Variants in USP6 observed in about 807,000 individuals in gnomAD.
USP6 encodes ubiquitin carboxyl-terminal hydrolase 6.
Under a neutral mutation model 175.7 loss-of-function variants are expected in USP6, and 128 were observed. The ratio of observed to expected loss-of-function variants is 0.73; its 90% CI spans 0.63 to 0.84. The LOEUF (loss-of-function observed/expected upper bound fraction) is 0.84, where lower values mean the gene tolerates loss of function less well. USP6 is among the 40% of genes least tolerant of loss of function. USP6 has a pLI of 0.00. For missense variants in USP6, 1,498 were observed against 1,760.3 expected (o/e 0.85, Z 2.67); for synonymous variants, 562 against 630.6 (o/e 0.89, Z 1.63).
chr17:5,131,663 G>T (rs1279693512), intron 11 of USP6, among the ~76,000 whole-genome samples: 3 of 150,640 alleles, frequency 2.0e-5, no homozygotes, highest in Admixed American at 2.0e-4. Flanking sequence ...GCCTCTCACG[G>T]TGAGGCCAGG....
intron 31 of USP6, among the ~76,000 whole-genome samples, chr17:5,160,380 C>T (rs1467789032): frequency 6.6e-6 from 1 of 152,170 alleles, no homozygotes; most frequent in African/African-American, 2.4e-5. Context: ...TGCATTGCTT[C>T]CTTCTCCCCC....
At chr17:5,140,509 G>C (rs1169338361) in intron 22 of USP6, among the ~76,000 whole-genome samples, 1 of 152,152 alleles carries the variant, frequency 6.6e-6, no homozygotes, top group African/African-American at 2.4e-5. Context: ...TGAGTTCCAA[G>C]AAGCAGTGAG....
At chr17:5,165,268 C>G (rs1216900671) in intron 33 of USP6, among the ~76,000 whole-genome samples, 1 of 152,140 alleles carries the variant, frequency 6.6e-6, no homozygotes, top group African/African-American at 2.4e-5. Flanking sequence ...TCCAAAATTT[C>G]CACATGAATA....
At chr17:5,159,048 T>C (rs1305191025) in intron 31 of USP6, among the ~76,000 whole-genome samples, 3 of 152,216 alleles carry the variant, frequency 2.0e-5, no homozygotes, top group Non-Finnish European at 4.4e-5. Context: ...TCTTGAGTGT[T>C]TATGTCAATA....
At position 5,141,503 on chromosome 17, in the gene USP6, A is replaced by G. The variant is rs1340072023; in HGVS notation, c.1573+4A>G. On this transcript the variant is annotated splice_donor_region_variant and intron_variant, in intron 23 of 37. Coordinates refer to ENST00000574788, the MANE Select transcript of USP6 (RefSeq NM_001304284.2). ...AGTAAAATAGATAGACAAAAGGGTA[A>G]GTCTCCAGTATTATTTTTTAAAGAG... 1.9e-6 allele frequency: 3 copies of G among 1,586,040 alleles called. No individual in the cohort carries two copies. The highest frequency in any genetic ancestry group is 2.6e-6 in the Non-Finnish European group (3 of 1,164,656).
intron 1 of USP6, among the ~76,000 whole-genome samples, chr17:5,117,223 A>G (rs1480863282): frequency 6.6e-6 from 1 of 152,200 alleles, no homozygotes; most frequent in Non-Finnish European, 1.5e-5. Flanking sequence ...AACACATATT[A>G]AAAGCTCGAT....
intron 35 of USP6, among the ~76,000 whole-genome samples, chr17:5,169,702 A>C (rs2144175454): frequency 6.6e-6 from 1 of 152,318 alleles, no homozygotes; most frequent in East Asian, 1.9e-4. Context: ...TCGGCCTCCT[A>C]AAGTGCTGGG....
chr17:5,141,609 G>A, intron 23 of USP6, 110 bp downstream of exon 23: 1 of 932,248 alleles, frequency 1.1e-6, no homozygotes, highest in Non-Finnish European at 1.5e-6. Flanking sequence ...AAAGTAATTA[G>A]GGCCCTTCTT....
Position 5,116,042 on chromosome 17 carries a change from C to A in USP6, c.-2626C>A, listed in dbSNP as rs2072527947. Among the ~76,000 whole-genome samples, 1 of 152,232 alleles carries A rather than the reference C, an allele frequency of 6.6e-6. No homozygotes were observed. The highest frequency in any genetic ancestry group is 2.4e-5 in the African/African-American group (1 of 41,466). ...GAGGCCAGGCAGAGGGGACAGCTAG[C>A]GGCGCGGCGGGACGGGCGGGCCCCG... On this transcript the variant is annotated 5_prime_UTR_variant, in exon 1 of 38. Coordinates refer to ENST00000574788, the MANE Select transcript of USP6 (RefSeq NM_001304284.2).
chr17:5,144,610 C>T, intron 25 of USP6, 80 bp from the exon 26 acceptor site: 1 of 1,471,334 alleles, frequency 6.8e-7, no homozygotes, highest in Non-Finnish European at 9.3e-7. Context: ...CTTACAATGG[C>T]TCTGATTGGA....
At chr17:5,170,392 G>C in intron 35 of USP6, 87 bp from the exon 36 acceptor site, 1 of 1,532,870 alleles carries the variant, frequency 6.5e-7, no homozygotes, top group Non-Finnish European at 8.8e-7. Context: ...GTGTACAGTT[G>C]CAAAGCTAAC....
At chr17:5,172,473 G>A (rs566786004) in intron 37 of USP6, among the ~76,000 whole-genome samples, 2 of 152,256 alleles carry the variant, frequency 1.3e-5, no homozygotes, top group Non-Finnish European at 2.9e-5. Context: ...AGAGGTTGCA[G>A]TGAGCTGAGA....
chr17:5,150,498 C>CTT (rs780429877), intron 30 of USP6, among the ~76,000 whole-genome samples: 3 of 137,318 alleles, frequency 2.2e-5, no homozygotes, highest in African/African-American at 8.0e-5. Flanking sequence ...AGAAATATAT[C>CTT]TTTTTTTTTT....
In USP6 at chr17:5,130,045, C is replaced by CTCT. The variant is rs2073011377; in HGVS notation, c.-43_-41dup. 3 of 367,346 alleles carry CTCT rather than the reference C, an allele frequency of 8.2e-6. No individual in the cohort carries two copies. The Admixed American group carries it at 1.1e-4, about 14-fold the overall frequency. The allele number at this position is 367,346 out of a possible 1,614,324, so 22.8% of individuals were successfully genotyped here. ...CATCCCTGGAATAGACCATCACAGGCTCTTCACCCTTGGCAGGTGGACACC... is the reference window on the plus strand; with the variant it reads ...CATCCCTGGAATAGACCATCACAGGCTCTTCTTCACCCTTGGCAGGTGGACACC... On this transcript the variant is annotated 5_prime_UTR_variant, in exon 9 of 38. Coordinates refer to ENST00000574788, the MANE Select transcript of USP6 (RefSeq NM_001304284.2).
chr17:5,128,068 G>A (rs1340146851), intron 7 of USP6, among the ~76,000 whole-genome samples: 1 of 152,170 alleles, frequency 6.6e-6, no homozygotes, highest in Admixed American at 6.5e-5. Flanking sequence ...CTGGGCATCT[G>A]GACGCCCTGT....
rs533237021 is a variant in USP6 at position 5,168,617 on chromosome 17, C to A, written c.3229-150C>A. 2.4e-3 allele frequency: 3,024 copies of A among 1,239,902 alleles called. 8 individuals are homozygous for A. The highest frequency in any genetic ancestry group is 3.2e-3 in the Non-Finnish European group (2,868 of 899,316). 76.8% of individuals were successfully genotyped at this position (1,239,902 alleles called of 1,614,324 possible). A position where few individuals can be genotyped will look rare whatever the true frequency, so the allele number is the denominator to read the frequency against. ...GGCCTGTGTAGAGGCCTTTATGAAACCATATTTTTGAAGTCTTTAAAAAAT... is the reference window on the plus strand; with the variant it reads ...GGCCTGTGTAGAGGCCTTTATGAAAACATATTTTTGAAGTCTTTAAAAAAT... On this transcript the variant is annotated intron_variant, in intron 34 of 37. Transcript: ENST00000574788.
At chr17:5,168,250 T>C (rs1189186584) in intron 34 of USP6, 127 bp downstream of exon 34, 4 of 1,181,962 alleles carry the variant, frequency 3.4e-6, no homozygotes, top group Non-Finnish European at 4.6e-6. Flanking sequence ...AAACACATTC[T>C]GTACAAGGTT....
chr17:5,135,768 C>T (rs549820556), intron 16 of USP6, 40 bp from the exon 17 acceptor site: 5 of 1,597,348 alleles, frequency 3.1e-6, no homozygotes, highest in African/African-American at 2.7e-5. Flanking sequence ...CCTCAGCCCT[C>T]CCAGGTGATG....
Position 5,132,857 on chromosome 17 carries a change from C to T in USP6, c.196-53C>T, listed in dbSNP as rs781551021. The T allele has an allele frequency of 9.4e-6, 15 of 1,599,474 alleles. No homozygotes were observed. Among genetic ancestry groups the T allele is most frequent in the East Asian group, 6.7e-5 (3 of 44,804 alleles). On this transcript the variant is annotated intron_variant, in intron 12 of 37. Transcript: ENST00000574788. This position sits in a 1 kb window ranked among gnomAD's most constrained non-coding sequence, Gnocchi z 4.7. ...GAGCCCAAGACTCAGCATCCATGGG[C>T]GGCTCTGGGAAGCCTGGCAGCTCCA...
Sources: gnomAD v4.1 joint callset for allele counts (sites outside exome capture counted in the v4.1 genomes callset) on GRCh38, gnomAD v4.1.1 for gene constraint, Gnocchi (gnomAD v3.1) non-coding constraint, MANE v1.5 for transcripts, NCBI Gene and HGNC (gene_info 2026-07-23, HGNC 2026-07-21) for gene names.